Variants in BMPR1A observed in about 807,000 individuals in gnomAD.
The protein encoded by BMPR1A is bone morphogenetic protein receptor type 1A.
BMPR1A carries 7 observed loss-of-function variants against 66.0 expected under a neutral mutation model. The observed-to-expected ratio is 0.11, with a 90% CI of 0.06 to 0.20. The LOEUF (loss-of-function observed/expected upper bound fraction) is 0.20, where lower values mean the gene tolerates loss of function less well. BMPR1A is among the 10% of genes least tolerant of loss of function. The pLI is 1.00. For missense variants in BMPR1A, 408 were observed against 669.1 expected, an observed-to-expected ratio of 0.61 and a Z score of 4.31; for synonymous variants, 200 against 229.7, an observed-to-expected ratio of 0.87 and a Z score of 1.17.
chr10:86,897,078 C>T (rs1264761116), intron 5 of BMPR1A, among the ~76,000 whole-genome samples: 1 of 152,170 alleles, frequency 6.6e-6, no homozygotes, highest in East Asian at 1.9e-4. Flanking sequence ...TATTCTGTTT[C>T]CTCCTATAGG....
At chr10:86,866,399 C>CTTTTTTTTTTTCT (rs1589752897) in intron 2 of BMPR1A, among the ~76,000 whole-genome samples, 945 of 69,432 alleles carry the variant, frequency 0.014, 79 homozygotes, top group Middle Eastern at 0.038. Flanking sequence ...AAGTTTCTTT[C>CTTTTTTTTTTTCT]TTTTTTTTTT....
At chr10:86,765,830 A>T (rs1055009096) in intron 1 of BMPR1A, among the ~76,000 whole-genome samples, 2 of 152,154 alleles carry the variant, frequency 1.3e-5, no homozygotes, top group African/African-American at 4.8e-5. Context: ...TGTTGAAAGT[A>T]TAGAGCTAGA....
At chr10:86,763,698 T>A (rs1246211384) in intron 1 of BMPR1A, among the ~76,000 whole-genome samples, 1 of 152,170 alleles carries the variant, frequency 6.6e-6, no homozygotes, top group African/African-American at 2.4e-5. Context: ...CATTAATTTT[T>A]TTTTCTTTAG....
At position 86,808,945 on chromosome 10, in the gene BMPR1A, A is replaced by G. The variant is rs190749959; in HGVS notation, c.-267-29920A>G. Among the ~76,000 whole-genome samples the G allele has an allele frequency of 2.0e-3, 307 of 152,248 alleles. 2 individuals are homozygous for G. The highest frequency in any genetic ancestry group is 6.8e-3 in the African/African-American group (282 of 41,548). On this transcript the variant is annotated intron_variant, in intron 1 of 12. Coordinates refer to ENST00000372037, the MANE Select transcript of BMPR1A (RefSeq NM_004329.3). ...ATAGGGATCCAGTTATCTTCCCTGAATGTTTCTCAGTATTTGAATTGTAAA... is the reference window on the plus strand; with the variant it reads ...ATAGGGATCCAGTTATCTTCCCTGAGTGTTTCTCAGTATTTGAATTGTAAA...
At chr10:86,817,865 A>G (rs1842057135) in intron 1 of BMPR1A, among the ~76,000 whole-genome samples, 1 of 152,240 alleles carries the variant, frequency 6.6e-6, no homozygotes, top group Non-Finnish European at 1.5e-5. Context: ...TCATTCTATG[A>G]GGCCAACATC....
chr10:86,789,802 C>A (rs1224336144), intron 1 of BMPR1A, among the ~76,000 whole-genome samples: 1 of 151,196 alleles, frequency 6.6e-6, no homozygotes, highest in Non-Finnish European at 1.5e-5. Flanking sequence ...AGACATTACT[C>A]CAAAGAAGAT....
At position 86,894,797 on chromosome 10, in the gene BMPR1A, A is replaced by T. The variant is rs147529458; in HGVS notation, c.333+2568A>T. Among the ~76,000 whole-genome samples the T allele has an allele frequency of 4.1e-4, 63 of 152,302 alleles. 1 individual carries two copies. The highest frequency in any genetic ancestry group is 1.4e-3 in the African/African-American group (59 of 41,556). ...ATAGATGTTAGCTTTGACCATATTG[A>T]TTCTTTAATAGAGCAGTCTTCATGC... is the stretch of plus-strand genomic sequence containing the variant. On this transcript the variant is annotated intron_variant, in intron 5 of 12. Coordinates refer to ENST00000372037, the MANE Select transcript of BMPR1A (RefSeq NM_004329.3).
chr10:86,787,033 G>T (rs373017660), intron 1 of BMPR1A, among the ~76,000 whole-genome samples: 1 of 152,032 alleles, frequency 6.6e-6, no homozygotes. Context: ...CATCTTTATT[G>T]TTCTGAGAAT....
chr10:86,791,588 CAA>C (rs1186738869), intron 1 of BMPR1A, among the ~76,000 whole-genome samples: 1 of 150,844 alleles, frequency 6.6e-6, no homozygotes, highest in African/African-American at 2.4e-5. Context: ...AATAATTATT[CAA>C]AGAGATACAT....
intron 1 of BMPR1A, among the ~76,000 whole-genome samples, chr10:86,790,345 C>G (rs1335044920): frequency 6.6e-6 from 1 of 150,658 alleles, no homozygotes; most frequent in East Asian, 1.9e-4. Flanking sequence ...CCTCCAGACA[C>G]TATTTGTGGG....
chr10:86,790,191 ATATATATATATATATAT>A (rs1564685535), intron 1 of BMPR1A, among the ~76,000 whole-genome samples: 961 of 9,324 alleles, frequency 0.1, 213 homozygotes, highest in East Asian at 0.14. Context: ...AAAAAAAAAT[ATATATATATATATATAT>A]ATATATATAT....
intron 8 of BMPR1A, among the ~76,000 whole-genome samples, chr10:86,915,570 A>C (rs1843555757): frequency 6.6e-6 from 1 of 152,130 alleles, no homozygotes; most frequent in Non-Finnish European, 1.5e-5. Context: ...CTCTACTAAA[A>C]ATACAAAAAT....
chr10:86,804,175 T>C (rs556556045), intron 1 of BMPR1A, among the ~76,000 whole-genome samples: 64 of 152,286 alleles, frequency 4.2e-4, no homozygotes, highest in Middle Eastern at 3.4e-3. Flanking sequence ...CTTTGCTAAA[T>C]CAGTTTTAAT....
intron 2 of BMPR1A, among the ~76,000 whole-genome samples, chr10:86,871,068 T>C (rs1842848732): frequency 6.6e-6 from 1 of 152,162 alleles, no homozygotes; most frequent in African/African-American, 2.4e-5. Flanking sequence ...CTCTTTGCTT[T>C]TCTCTCCCTC....
intron 1 of BMPR1A, among the ~76,000 whole-genome samples, chr10:86,816,462 G>A (rs997909620): frequency 2.0e-5 from 3 of 152,128 alleles, no homozygotes; most frequent in African/African-American, 2.4e-5. Context: ...ACAAAAGCTG[G>A]TCAGTTGATT....
intron 2 of BMPR1A, among the ~76,000 whole-genome samples, chr10:86,853,137 T>C (rs540515258): frequency 3.9e-5 from 6 of 152,264 alleles, no homozygotes; most frequent in Admixed American, 1.3e-4. Context: ...AATTTAAACG[T>C]CAATTTTCTA....
At chr10:86,758,010 T>TA (rs750006527) in intron 1 of BMPR1A, among the ~76,000 whole-genome samples, 1 of 152,270 alleles carries the variant, frequency 6.6e-6, no homozygotes, top group Non-Finnish European at 1.5e-5. Context: ...TGAGAGGAGT[T>TA]AAACTTTGAA....
intron 2 of BMPR1A, chr10:86,856,019 G>A (rs371385438): frequency 8.0e-6 from 5 of 623,470 alleles, no homozygotes; most frequent in African/African-American, 1.8e-5. Context: ...GCCTCTCACC[G>A]TACTGGAGTT....
intron 1 of BMPR1A, among the ~76,000 whole-genome samples, chr10:86,824,647 AAAT>A (rs1842168166): frequency 6.6e-6 from 1 of 152,170 alleles, no homozygotes. Flanking sequence ...TCTTAATTGA[AAAT>A]AATTTTATTT....
Sources: allele counts gnomAD v4.1 joint callset (sites outside exome capture counted in the v4.1 genomes callset), GRCh38; gene constraint gnomAD v4.1.1; transcripts MANE v1.5; gene names NCBI Gene and HGNC (gene_info 2026-07-23, HGNC 2026-07-21).